The following POLR1C variants were observed in gnomAD, a reference collection of about 807,000 sequenced individuals.
POLR1C encodes the protein RNA polymerase I and III subunit C.
POLR1C carries 42 observed loss-of-function variants against 38.3 expected under a neutral mutation model. The ratio of observed to expected loss-of-function variants is 1.10; its 90% CI spans 0.86 to 1.42. The LOEUF (loss-of-function observed/expected upper bound fraction) is 1.42, where lower values mean the gene tolerates loss of function less well. POLR1C is among the 40% of genes most tolerant of loss of function. The pLI is 0.00. For synonymous variants in POLR1C, 163 were observed against 163.9 expected, an observed-to-expected ratio of 0.99 and a Z score of 0.04; for missense variants, 507 against 450.5, an observed-to-expected ratio of 1.13 and a Z score of -1.14.
At chr6:43,536,431 CA>C (rs1794328463) in intron 9 of POLR1C, among the ~76,000 whole-genome samples, 2 of 146,284 alleles carry the variant, frequency 1.4e-5, no homozygotes, top group African/African-American at 5.0e-5. Context: ...AAAAAAAAGT[CA>C]TTCACTAACC....
downstream of POLR1C, among the ~76,000 whole-genome samples, chr6:43,534,438 G>A (rs1056957046): frequency 6.6e-6 from 1 of 152,146 alleles, no homozygotes; most frequent in Admixed American, 6.5e-5. Context: ...CAAGAGCATG[G>A]ACCTTGCAAC....
intron 9 of POLR1C, among the ~76,000 whole-genome samples, chr6:43,549,137 C>T (rs1795108063): frequency 6.6e-6 from 1 of 152,176 alleles, no homozygotes; most frequent in East Asian, 1.9e-4. Context: ...TCTTGGCTCA[C>T]TGCAACCTCC....
Position 43,517,358 on chromosome 6 carries a change from A to G in POLR1C, c.122A>G (p.Asp41Gly), listed in dbSNP as rs1283926035. 6.2e-7 allele frequency: 1 copy of G among 1,613,862 alleles called. No individual in the cohort carries two copies. Among genetic ancestry groups the G allele is most frequent in the South Asian group, 1.1e-5 (1 of 91,074 alleles). ...TATTCCGGTTATGATGATGCCTGGG[A>G]CCAGGACCGCTTCGAGAAGGTAAGT... ...GNYSGYDDAW[D>G]QDRFEKNFRV... The change falls in exon 2 of 9, where the codon GAC becomes GGC. Residue 41 changes from aspartate to glycine, a missense_variant. Coordinates refer to ENST00000642195, the MANE Select transcript of POLR1C (RefSeq NM_203290.4).
rs562406921 is a variant in POLR1C, at chr6:43,539,638, G to A, written c.*4+10279G>A. On this transcript the variant is annotated intron_variant, in intron 9 of 10. Transcript: ENST00000607635. The stretch of plus-strand genomic sequence containing the variant: ...TGGCGAAACCTCTGCGGAAGCCACC[G>A]CGGTTCCCCATCCCAGGGCCACCAG... 1,675 of 1,321,324 alleles carry A rather than the reference G, an allele frequency of 1.3e-3. 2 individuals are homozygous for A. Among genetic ancestry groups the A allele is most frequent in the Non-Finnish European group, 1.6e-3 (1,491 of 949,836 alleles). The allele number at this position is 1,321,324 out of a possible 1,614,324, so 81.8% of individuals were successfully genotyped here.
At chr6:43,529,200 G>C in intron 8 of POLR1C, 1 of 1,435,332 alleles carries the variant, frequency 7.0e-7, no homozygotes. Context: ...ATAGGAAGGA[G>C]GACATCCTTG....
At chr6:43,551,294 A>T (rs1234304713) in intron 10 of POLR1C, 1 of 1,597,324 alleles carries the variant, frequency 6.3e-7, no homozygotes, top group Non-Finnish European at 8.5e-7. Context: ...GATGGGCTTT[A>T]TACCTTAGAG....
intron 9 of POLR1C, among the ~76,000 whole-genome samples, chr6:43,545,812 C>T (rs573995044): frequency 6.6e-6 from 1 of 152,222 alleles, no homozygotes; most frequent in African/African-American, 2.4e-5. Context: ...CATTTAGAGA[C>T]CATCCCTGAG....
chr6:43,520,028 C>CGTTTACTA, intron 4 of POLR1C, 38 bp from the exon 5 acceptor site: 1 of 1,611,872 alleles, frequency 6.2e-7, no homozygotes, highest in East Asian at 2.2e-5. Flanking sequence ...GGCACTCAGA[C>CGTTTACTA]GTTTACTAGT....
chr6:43,553,508 A>G (rs976743601), intron 10 of POLR1C: 4 of 1,549,680 alleles, frequency 2.6e-6, no homozygotes, highest in Non-Finnish European at 3.5e-6. Flanking sequence ...AACAAGCTTT[A>G]AAACACACAC....
downstream of POLR1C, among the ~76,000 whole-genome samples, chr6:43,533,040 T>C (rs898110588): frequency 6.6e-6 from 1 of 152,022 alleles, no homozygotes; most frequent in African/African-American, 2.4e-5. Flanking sequence ...CAGCAGGCTG[T>C]GGGAGAATCA....
At chr6:43,526,224 G>A (rs1793578715), downstream of POLR1C, 1 of 425,792 alleles carries the variant, frequency 2.3e-6, no homozygotes, top group Admixed American at 3.8e-5. Flanking sequence ...TTTAGTTACT[G>A]GGGATAAAAG....
chr6:43,547,820 TGA>T (rs1429221305), intron 9 of POLR1C: 3 of 797,048 alleles, frequency 3.8e-6, no homozygotes, highest in Non-Finnish European at 6.2e-6. Context: ...GTTTTTATAG[TGA>T]GAGGAGTATA....
At chr6:43,527,585 C>T (rs1305096376) in intron 8 of POLR1C, 3 of 1,598,284 alleles carry the variant, frequency 1.9e-6, no homozygotes, top group East Asian at 2.2e-5. Flanking sequence ...GCGACCAGCT[C>T]TTCTTCCAGG....
At chr6:43,553,114 G>A (rs1354143057) in intron 10 of POLR1C, among the ~76,000 whole-genome samples, 1 of 152,158 alleles carries the variant, frequency 6.6e-6, no homozygotes, top group East Asian at 1.9e-4. Flanking sequence ...AGGAGTTTGA[G>A]ATCAGCCTGG....
intron 9 of POLR1C, chr6:43,549,893 C>A: frequency 1.2e-6 from 2 of 1,610,078 alleles, no homozygotes; most frequent in Non-Finnish European, 1.7e-6. Context: ...ATGGTCTTAC[C>A]TTACTTTCTT....
downstream of POLR1C, chr6:43,533,692 G>A (rs966266141): frequency 3.0e-5 from 9 of 304,822 alleles, no homozygotes; most frequent in South Asian, 1.0e-4. Context: ...TTTAAAGTTC[G>A]TCTGGCGTTG....
chr6:43,535,860 C>T (rs564893995), intron 9 of POLR1C, among the ~76,000 whole-genome samples: 8 of 149,716 alleles, frequency 5.3e-5, no homozygotes, highest in South Asian at 4.2e-4. Context: ...CAGTGGCTCA[C>T]GCCTGTAATC....
At chr6:43,524,452 T>C (rs368737593), downstream of POLR1C, 107 of 1,611,224 alleles carry the variant, frequency 6.6e-5, no homozygotes, top group African/African-American at 6.0e-4. Context: ...GGGAGCACTA[T>C]TGAAGGTGCA....
At chr6:43,529,373 TCTA>T in exon 9 of POLR1C, 4 of 208,506 alleles carry the variant, frequency 1.9e-5, no homozygotes, top group South Asian at 3.9e-5. Context: ...AAACCCCGTC[TCTA>T]CTAAAAAAAA....
Sources: allele counts gnomAD v4.1 joint callset (sites outside exome capture counted in the v4.1 genomes callset), GRCh38; gene constraint gnomAD v4.1.1; transcripts MANE v1.5; gene names NCBI Gene and HGNC (gene_info 2026-07-23, HGNC 2026-07-21).